The following SUMF1 variants were observed in gnomAD, a reference collection of about 807,000 sequenced individuals.
SUMF1 encodes the protein sulfatase modifying factor 1, also known as formylglycine-generating enzyme.
A neutral mutation model predicts 47.6 loss-of-function variants in SUMF1; 48 were observed. The observed-to-expected ratio is 1.01, with a 90% CI of 0.80 to 1.28. The LOEUF is 1.28. SUMF1 is among the 50% of genes most tolerant of loss of function. The pLI is 0.00. For missense variants in SUMF1, 571 were observed against 485.4 expected, an observed-to-expected ratio of 1.18 and a Z score of -1.66; for synonymous variants, 230 against 192.1, an observed-to-expected ratio of 1.20 and a Z score of -1.63.
chr3:4,056,026 C>A (rs1193708587), intron 9 of SUMF1, among the ~76,000 whole-genome samples: 2 of 152,180 alleles, frequency 1.3e-5, no homozygotes, highest in African/African-American at 2.4e-5. Flanking sequence ...CCCTGTTCCA[C>A]TTTTAAAGAC....
chr3:4,120,454 T>C (rs887636314), intron 8 of SUMF1, among the ~76,000 whole-genome samples: 2 of 152,142 alleles, frequency 1.3e-5, no homozygotes, highest in Non-Finnish European at 2.9e-5. Context: ...CTTGGGCAGC[T>C]AAAATTACAG....
intron 8 of SUMF1, among the ~76,000 whole-genome samples, chr3:4,158,220 C>CAA (rs1318717097): frequency 6.6e-6 from 1 of 151,642 alleles, no homozygotes; most frequent in Middle Eastern, 3.2e-3. Context: ...CAGTAAGTTA[C>CAA]AATGGAGATA....
intron 9 of SUMF1, among the ~76,000 whole-genome samples, chr3:4,052,411 A>G (rs186985066): frequency 5.9e-5 from 9 of 152,316 alleles, no homozygotes; most frequent in Admixed American, 5.2e-4. Context: ...GCCCCTTCCT[A>G]GAACTGACCA....
chr3:4,259,599 C>T (rs1443527234), intron 8 of SUMF1, among the ~76,000 whole-genome samples: 1 of 152,008 alleles, frequency 6.6e-6, no homozygotes, highest in Non-Finnish European at 1.5e-5. Context: ...ATCTCAGTAC[C>T]TTGCCTTTTG....
intron 8 of SUMF1, among the ~76,000 whole-genome samples, chr3:4,259,590 T>A (rs1327689110): frequency 1.3e-5 from 2 of 152,074 alleles, no homozygotes; most frequent in African/African-American, 4.8e-5. Context: ...TATCAATACA[T>A]CTCAGTACCT....
chr3:4,278,516 A>T (rs946138924), intron 8 of SUMF1, among the ~76,000 whole-genome samples: 3 of 152,172 alleles, frequency 2.0e-5, no homozygotes, highest in African/African-American at 7.2e-5. Flanking sequence ...TAAAAAGAAC[A>T]TCCTAAGCTT....
intron 8 of SUMF1, among the ~76,000 whole-genome samples, chr3:4,102,254 G>A (rs1693050920): frequency 6.6e-6 from 1 of 151,950 alleles, no homozygotes; most frequent in Non-Finnish European, 1.5e-5. Flanking sequence ...GAAAGACCAG[G>A]AGGTTGTAAG....
intron 3 of SUMF1, among the ~76,000 whole-genome samples, chr3:4,425,053 T>C (rs1047169575): frequency 2.0e-5 from 3 of 152,204 alleles, no homozygotes; most frequent in Non-Finnish European, 4.4e-5. Flanking sequence ...TCTCCAGACA[T>C]TGCTAAATGT....
At chr3:4,112,759 A>T (rs1381775099) in intron 8 of SUMF1, among the ~76,000 whole-genome samples, 1 of 152,108 alleles carries the variant, frequency 6.6e-6, no homozygotes, top group Admixed American at 6.5e-5. Context: ...CAAACTTGAG[A>T]TTTCTTCTTA....
intron 8 of SUMF1, among the ~76,000 whole-genome samples, chr3:4,336,463 A>G (rs1054343888): frequency 2.0e-5 from 3 of 152,208 alleles, no homozygotes; most frequent in African/African-American, 4.8e-5. Flanking sequence ...AGGCTATGAC[A>G]CGGGTTGTGA....
intron 8 of SUMF1, among the ~76,000 whole-genome samples, chr3:4,181,715 A>G (rs1326369963): frequency 6.6e-6 from 1 of 152,010 alleles, no homozygotes; most frequent in South Asian, 2.1e-4. Flanking sequence ...GGAACCCACA[A>G]TTTACATAGT....
intron 8 of SUMF1, among the ~76,000 whole-genome samples, chr3:4,105,579 G>C (rs935389934): frequency 6.6e-6 from 1 of 152,094 alleles, no homozygotes; most frequent in East Asian, 1.9e-4. Flanking sequence ...TTTGGGTCCA[G>C]GTAATCTGGA....
Position 4,348,453 on chromosome 3 carries a change from G to A in SUMF1, c.1014+27877C>T, listed in dbSNP as rs138331946. 4.8e-3 allele frequency among the ~76,000 whole-genome samples: 733 copies of A among 152,286 alleles called. 7 individuals are homozygous for A. The highest frequency in any genetic ancestry group is 0.017 in the African/African-American group (707 of 41,560). On this transcript the variant is annotated intron_variant and NMD_transcript_variant, in intron 8 of 12. Coordinates refer to the SUMF1 transcript ENST00000448413. ...AAGGATTCCCTATTTAATAAATGGTGTTGGGAAAACTGGCTAGCCATATGC... is the reference window on the plus strand; with the variant it reads ...AAGGATTCCCTATTTAATAAATGGTATTGGGAAAACTGGCTAGCCATATGC...
intron 1 of SUMF1, among the ~76,000 whole-genome samples, chr3:4,463,179 T>G (rs919896482): frequency 6.6e-6 from 1 of 152,154 alleles, no homozygotes; most frequent in African/African-American, 2.4e-5. Context: ...ATGTAGAATA[T>G]CAGACAACTA....
intron 8 of SUMF1, among the ~76,000 whole-genome samples, chr3:4,327,934 C>T (rs770155381): frequency 1.3e-5 from 2 of 152,094 alleles, no homozygotes; most frequent in African/African-American, 2.4e-5. Flanking sequence ...AAGCAAAAAC[C>T]ACTGCACTCA....
At chr3:4,143,258 C>T (rs548477359) in intron 8 of SUMF1, among the ~76,000 whole-genome samples, 27 of 152,160 alleles carry the variant, frequency 1.8e-4, no homozygotes, top group African/African-American at 6.3e-4. Flanking sequence ...ATGCTAAGTG[C>T]CAGATTCAAG....
chr3:4,458,017 A>G (rs1203321503), intron 1 of SUMF1, among the ~76,000 whole-genome samples: 1 of 152,220 alleles, frequency 6.6e-6, no homozygotes. Flanking sequence ...CAAAATATAT[A>G]AGGAATTCAA....
intron 9 of SUMF1, among the ~76,000 whole-genome samples, chr3:4,059,402 A>G (rs1204123789): frequency 1.3e-5 from 2 of 152,180 alleles, no homozygotes; most frequent in Middle Eastern, 6.3e-3. Context: ...TCTGGAATTG[A>G]AAACTTAAAT....
chr3:4,410,873 G>C lies in SUMF1; in HGVS notation c.946C>G (p.Leu316Val). 6.2e-7 allele frequency: 1 copy of C among 1,613,824 alleles called. No homozygotes were observed. Among genetic ancestry groups the C allele is most frequent in the Non-Finnish European group, 8.5e-7 (1 of 1,179,712 alleles). The change falls in exon 7 of 9, where the codon CTT becomes GTT. Residue 316 changes from leucine (L) to valine (V), a missense_variant. Physicochemically the swap from Leu to Val is conservative, Grantham distance 32 (BLOSUM62 1). Coordinates refer to ENST00000272902, the MANE Select transcript of SUMF1 (RefSeq NM_182760.4). ...WTVHHSVEET[L>V]NPKGPPSGKD... ...CTGTGAATAATACTCACTGGGTTAA[G>C]CGTTTCTTCAACAGAATGATGAACA...
Sources: allele counts gnomAD v4.1 joint callset (sites outside exome capture counted in the v4.1 genomes callset), GRCh38; gene constraint gnomAD v4.1.1; transcripts MANE v1.5; gene names NCBI Gene and HGNC (gene_info 2026-07-23, HGNC 2026-07-21).